CSMD3: variants seen among roughly 807,000 people sequenced by gnomAD.
CSMD3 encodes the protein CUB and sushi domain-containing protein 3.
In CSMD3, 177 loss-of-function variants were observed where a neutral mutation model predicts 435.2. That is an observed-to-expected ratio of 0.41 (90% CI 0.36 to 0.46). The LOEUF is 0.46. Ranked by LOEUF, CSMD3 falls within the 20% of genes least tolerant of loss-of-function variation. CSMD3 has a pLI of 0.34. For synonymous variants in CSMD3, 1,656 were observed against 1,520.5 expected (o/e 1.09, Z -2.07); for missense variants, 4,265 against 4,504.6 (o/e 0.95, Z 1.52).
intron 3 of CSMD3, among the ~76,000 whole-genome samples, chr8:113,275,023 C>A (rs1004542067): frequency 3.9e-5 from 6 of 151,944 alleles, no homozygotes; most frequent in African/African-American, 1.4e-4. Context: ...TACAAATATA[C>A]TGTATGTCCC....
intron 38 of CSMD3, among the ~76,000 whole-genome samples, chr8:112,369,950 G>GGGA (rs200316453): frequency 0.32 from 28,096 of 88,822 alleles, 7,863 homozygotes; most frequent in Middle Eastern, 0.46. Context: ...GAAGAAGAGG[G>GGGA]GGAGGAGGAG....
intron 3 of CSMD3, among the ~76,000 whole-genome samples, chr8:113,189,247 C>T (rs2092551407): frequency 6.6e-6 from 1 of 151,794 alleles, no homozygotes; most frequent in Non-Finnish European, 1.5e-5. Context: ...AGAATTGCTT[C>T]ACCAAAGCTA....
chr8:112,926,184 G>A (rs1712721139), intron 9 of CSMD3, among the ~76,000 whole-genome samples: 1 of 152,030 alleles, frequency 6.6e-6, no homozygotes, highest in Non-Finnish European at 1.5e-5. Context: ...TGCTTTCACT[G>A]TATTAACTGT....
At chr8:112,345,994 C>T (rs1322718602) in intron 41 of CSMD3, 103 bp downstream of exon 41, 2 of 793,936 alleles carry the variant, frequency 2.5e-6, no homozygotes, top group Non-Finnish European at 4.5e-6. Context: ...AACTAAACTG[C>T]AATTTGTGAA....
chr8:112,525,710 G>C (rs1824820244), intron 27 of CSMD3, among the ~76,000 whole-genome samples: 1 of 143,954 alleles, frequency 6.9e-6, no homozygotes. Context: ...GACAGAGCGA[G>C]ACTCCGTCCT....
At position 112,552,645 on chromosome 8, in the gene CSMD3, T is replaced by C; in HGVS notation, c.4310A>G (p.Asn1437Ser). The change falls in exon 26 of 71, where the codon AAT (asparagine) becomes AGT (serine). Residue 1437 changes from asparagine to serine, a missense_variant. Transcript: ENST00000297405. ...LSPGYPFPYD[N>S]NLRCMWMIEV... is the part of the protein sequence containing the mutation. ...AATCATCCACATGCAACGCAGGTTA[T>C]TGTCATATGGAAAAGGATAGCCAGG... is the stretch of plus-strand genomic sequence containing the variant. 6.2e-7 allele frequency: 1 copy of C among 1,612,268 alleles called. No individual in the cohort carries two copies.
chr8:112,845,309 A>G (rs1440233211), intron 11 of CSMD3, among the ~76,000 whole-genome samples: 2 of 152,040 alleles, frequency 1.3e-5, no homozygotes, highest in Non-Finnish European at 2.9e-5. Context: ...TGTAAGTACA[A>G]TGTAATGTGA....
intron 7 of CSMD3, among the ~76,000 whole-genome samples, chr8:112,971,791 C>A (rs576272087): frequency 1.3e-5 from 2 of 152,028 alleles, no homozygotes; most frequent in East Asian, 3.9e-4. Flanking sequence ...TTTATCTCAA[C>A]GTGCAAAGAA....
intron 27 of CSMD3, among the ~76,000 whole-genome samples, chr8:112,525,827 A>G (rs1824876491): frequency 8.0e-6 from 1 of 125,038 alleles, no homozygotes; most frequent in Non-Finnish European, 1.7e-5. Flanking sequence ...CATATAAAAA[A>G]TATATATATA....
intron 30 of CSMD3, among the ~76,000 whole-genome samples, chr8:112,503,283 A>G (rs1040304839): frequency 6.6e-6 from 1 of 152,004 alleles, no homozygotes; most frequent in Non-Finnish European, 1.5e-5. Context: ...TGCTCTCACT[A>G]TGTTTCTTAG....
intron 23 of CSMD3, 107 bp from the exon 24 acceptor site, chr8:112,573,764 A>G (rs1251438158): frequency 1.1e-6 from 1 of 889,680 alleles, no homozygotes; most frequent in Non-Finnish European, 1.8e-6. Flanking sequence ...TCTAAATCAG[A>G]TCAGTACATT....
intron 13 of CSMD3, among the ~76,000 whole-genome samples, chr8:112,700,371 G>T (rs1437636019): frequency 6.6e-6 from 1 of 151,944 alleles, no homozygotes; most frequent in Non-Finnish European, 1.5e-5. Context: ...CATGGTGGCA[G>T]GTGCCTGTAA....
intron 53 of CSMD3, among the ~76,000 whole-genome samples, chr8:112,299,068 TAA>T (rs1198315781): frequency 6.6e-6 from 1 of 152,066 alleles, no homozygotes; most frequent in Non-Finnish European, 1.5e-5. Flanking sequence ...ACAGCATAGA[TAA>T]AAGAGAATAA....
chr8:112,798,507 A>G (rs909696157), intron 13 of CSMD3, among the ~76,000 whole-genome samples: 2 of 151,804 alleles, frequency 1.3e-5, no homozygotes, highest in African/African-American at 2.4e-5. Context: ...TTATTCATTT[A>G]GAATGTCCTG....
intron 38 of CSMD3, among the ~76,000 whole-genome samples, chr8:112,368,179 G>T (rs1436126363): frequency 6.6e-6 from 1 of 152,022 alleles, no homozygotes; most frequent in Non-Finnish European, 1.5e-5. Flanking sequence ...ATTCTTATTT[G>T]CCAGAAGGAA....
At chr8:112,260,000 C>T (rs1816225808) in intron 61 of CSMD3, among the ~76,000 whole-genome samples, 1 of 152,122 alleles carries the variant, frequency 6.6e-6, no homozygotes, top group Admixed American at 6.6e-5. Context: ...TGTGTCATTC[C>T]ATCTATTTCT....
rs558608496 is a variant in CSMD3 at position 112,855,524 on chromosome 8, C to T, written c.1755+3621G>A. 4.6e-5 allele frequency among the ~76,000 whole-genome samples: 7 copies of T among 151,892 alleles called. No individual in the cohort carries two copies. In the East Asian group the frequency reaches 1.4e-3, roughly 29 times the overall value. Reference sequence around the variant, plus strand: ...GACTTTGTGTTTTAATTAAAATTGGCCTATAATATCCTAAGTATCATGAGT... The same window carrying T: ...GACTTTGTGTTTTAATTAAAATTGGTCTATAATATCCTAAGTATCATGAGT... On this transcript the variant is annotated intron_variant, in intron 11 of 70. Coordinates refer to ENST00000297405, the MANE Select transcript of CSMD3 (RefSeq NM_198123.2).
intron 3 of CSMD3, among the ~76,000 whole-genome samples, chr8:113,273,868 A>G (rs72670732): frequency 6.6e-6 from 1 of 152,028 alleles, no homozygotes; most frequent in African/African-American, 2.4e-5. Context: ...ATTTCTACTT[A>G]GAAACATTCA....
chr8:112,246,974 T>A, intron 64 of CSMD3, 46 bp downstream of exon 64: 2 of 1,341,992 alleles, frequency 1.5e-6, no homozygotes, highest in Non-Finnish European at 1.1e-6. Flanking sequence ...AAAATGCATA[T>A]AAATTCTTAC....
Sources: gnomAD v4.1 joint callset for allele counts (sites outside exome capture counted in the v4.1 genomes callset) on GRCh38, gnomAD v4.1.1 for gene constraint, MANE v1.5 for transcripts, NCBI Gene and HGNC (gene_info 2026-07-23, HGNC 2026-07-21) for gene names.